COL25A1: variants seen among roughly 807,000 people sequenced by gnomAD.
The protein encoded by COL25A1 is collagen type XXV alpha 1 chain, also known as collagen alpha-1(XXV) chain.
A neutral mutation model predicts 128.4 loss-of-function variants in COL25A1; 103 were observed. The ratio of observed to expected loss-of-function variants is 0.80; its 90% confidence interval spans 0.68 to 0.94. The LOEUF (loss-of-function observed/expected upper bound fraction) is 0.94, where lower values mean the gene tolerates loss of function less well. COL25A1 is among the 40% of genes least tolerant of loss of function. COL25A1 has a pLI of 0.00. For synonymous variants in COL25A1, 279 were observed against 277.2 expected, an observed-to-expected ratio of 1.01 and a Z score of -0.06; for missense variants, 745 against 840.0, an observed-to-expected ratio of 0.89 and a Z score of 1.40.
At chr4:109,271,789 A>C (rs1205732452) in intron 3 of COL25A1, among the ~76,000 whole-genome samples, 1 of 152,190 alleles carries the variant, frequency 6.6e-6, no homozygotes, top group Non-Finnish European at 1.5e-5. Flanking sequence ...CTGAGGAAAA[A>C]AGTGTATAAT....
At chr4:109,067,643 T>C (rs745466455) in intron 3 of COL25A1, among the ~76,000 whole-genome samples, 1 of 152,230 alleles carries the variant, frequency 6.6e-6, no homozygotes, top group East Asian at 1.9e-4. Context: ...TGAACAGTTT[T>C]TGTTTTCTTT....
At chr4:108,885,818 T>C (rs1214876326) in intron 18 of COL25A1, among the ~76,000 whole-genome samples, 6 of 152,248 alleles carry the variant, frequency 3.9e-5, no homozygotes. Context: ...AACTCATTTT[T>C]GCAGACATTC....
intron 24 of COL25A1, among the ~76,000 whole-genome samples, chr4:108,858,769 A>C (rs895416818): frequency 6.6e-6 from 1 of 152,178 alleles, no homozygotes; most frequent in Non-Finnish European, 1.5e-5. Flanking sequence ...TAGGGAATAG[A>C]CAGACAAATT....
chr4:109,211,275 T>A (rs1168661874), intron 3 of COL25A1, among the ~76,000 whole-genome samples: 2 of 45,508 alleles, frequency 4.4e-5, no homozygotes, highest in South Asian at 6.8e-4. Flanking sequence ...TATATGAAAC[T>A]ATATATATAT....
chr4:109,050,281 T>A, intron 3 of COL25A1, 102 bp from the exon 4 acceptor site: 2 of 826,146 alleles, frequency 2.4e-6, no homozygotes, highest in Non-Finnish European at 3.8e-6. Context: ...TGTTTTTAAC[T>A]ACCAACTTCA....
intron 3 of COL25A1, among the ~76,000 whole-genome samples, 197 bp from the exon 4 acceptor site, chr4:109,050,376 A>C (rs1180462435): frequency 1.3e-5 from 2 of 152,108 alleles, no homozygotes; most frequent in African/African-American, 2.4e-5. Context: ...TATAAAAGCT[A>C]CTCTAGATAC....
intron 8 of COL25A1, among the ~76,000 whole-genome samples, chr4:108,953,240 G>T (rs1749669551): frequency 6.6e-6 from 1 of 152,026 alleles, no homozygotes; most frequent in Non-Finnish European, 1.5e-5. Flanking sequence ...ACTTGCAATG[G>T]TACTCTTATA....
rs761353844 is a variant in COL25A1, at chr4:108,863,422, C to A, written c.1084-35G>T. On this transcript the variant is annotated intron_variant, in intron 20 of 37. Transcript: ENST00000399132. The stretch of plus-strand genomic sequence containing the variant: ...ATTGCAAAACAGGTAAATGGTCATT[C>A]CCCCCACCCAGGCTGGTCCCTGTAG... 19 of 1,567,580 alleles carry A rather than the reference C, an allele frequency of 1.2e-5. No homozygotes were observed. In the South Asian group the frequency reaches 1.8e-4, roughly 15 times the overall value.
chr4:109,191,881 T>C (rs1775651073), intron 3 of COL25A1, among the ~76,000 whole-genome samples: 3 of 152,322 alleles, frequency 2.0e-5, no homozygotes, highest in South Asian at 4.1e-4. Context: ...TACACACTGA[T>C]ACCAGAGATA....
At chr4:109,184,921 C>T (rs1774998553) in intron 3 of COL25A1, among the ~76,000 whole-genome samples, 1 of 152,220 alleles carries the variant, frequency 6.6e-6, no homozygotes, top group African/African-American at 2.4e-5. Context: ...TTAAATCTTT[C>T]TCCTGGGGAA....
chr4:109,254,421 G>A (rs138512166), intron 3 of COL25A1, among the ~76,000 whole-genome samples: 45 of 138,276 alleles, frequency 3.3e-4, no homozygotes, highest in African/African-American at 1.2e-3. Flanking sequence ...TGTGGCCTGC[G>A]TTCACATAAC....
At chr4:109,084,444 CAT>C (rs1004798819) in intron 3 of COL25A1, among the ~76,000 whole-genome samples, 6 of 152,158 alleles carry the variant, frequency 3.9e-5, no homozygotes, top group African/African-American at 1.4e-4. Flanking sequence ...AAATCAGCAA[CAT>C]AAAGTAGAAA....
At chr4:108,988,431 G>C (rs1239677805) in intron 6 of COL25A1, among the ~76,000 whole-genome samples, 4 of 152,182 alleles carry the variant, frequency 2.6e-5, no homozygotes, top group Non-Finnish European at 5.9e-5. Context: ...AGTTCAACTA[G>C]AAATTGTGCC....
intron 3 of COL25A1, among the ~76,000 whole-genome samples, chr4:109,050,635 A>G (rs1268468079): frequency 1.3e-5 from 2 of 152,082 alleles, no homozygotes; most frequent in Non-Finnish European, 2.9e-5. Context: ...TTTAGTTAGC[A>G]GTTAGTTAAA....
intron 6 of COL25A1, among the ~76,000 whole-genome samples, chr4:108,983,486 A>C (rs888416360): frequency 1.3e-5 from 2 of 152,212 alleles, no homozygotes; most frequent in South Asian, 2.1e-4. Flanking sequence ...GGGCTACTTA[A>C]GAAACATTGT....
At chr4:109,292,393 T>C (rs1160279669) in intron 3 of COL25A1, among the ~76,000 whole-genome samples, 1 of 152,080 alleles carries the variant, frequency 6.6e-6, no homozygotes, top group Non-Finnish European at 1.5e-5. Flanking sequence ...TTAAAAGGCA[T>C]GGGGATGAGA....
Position 108,918,134 on chromosome 4 carries a change from C to T in COL25A1, c.780+38G>A, listed in dbSNP as rs373834844. Reference sequence around the variant, plus strand: ...ATAATTTTGTGATTTCAATGCTCACCAAATTATTTTTAAAATACAATATTC... The same window carrying T: ...ATAATTTTGTGATTTCAATGCTCACTAAATTATTTTTAAAATACAATATTC... On this transcript the variant is annotated intron_variant, in intron 13 of 37. Transcript: ENST00000399132. The T allele has an allele frequency of 2.2e-5, 30 of 1,366,204 alleles. No individual in the cohort carries two copies. In the African/African-American group the frequency reaches 4.2e-4, roughly 19 times the overall value. 84.6% of individuals were successfully genotyped at this position (1,366,204 alleles called of 1,614,324 possible).
At chr4:109,010,311 G>C (rs1455125991) in intron 6 of COL25A1, 47 bp downstream of exon 6, 1 of 1,493,848 alleles carries the variant, frequency 6.7e-7, no homozygotes, top group South Asian at 1.2e-5. Flanking sequence ...CTCCACACTG[G>C]GAAAATCCTA....
chr4:109,096,078 G>A (rs1053779799), intron 3 of COL25A1, among the ~76,000 whole-genome samples: 23 of 152,288 alleles, frequency 1.5e-4, no homozygotes, highest in African/African-American at 4.6e-4. Context: ...ATGGGTTGGC[G>A]ACATGAGAGC....
Sources: allele counts gnomAD v4.1 joint callset (sites outside exome capture counted in the v4.1 genomes callset), GRCh38; gene constraint gnomAD v4.1.1; transcripts MANE v1.5; gene names NCBI Gene and HGNC (gene_info 2026-07-23, HGNC 2026-07-21).